The following SULF1 variants were observed in gnomAD, a reference collection of about 807,000 sequenced individuals.
SULF1 encodes extracellular sulfatase Sulf-1.
Under a neutral mutation model 110.5 loss-of-function variants are expected in SULF1, and 46 were observed. The ratio of observed to expected loss-of-function variants is 0.42; its 90% confidence interval spans 0.33 to 0.53. SULF1 has a LOEUF of 0.53. SULF1 is among the 20% of genes least tolerant of loss of function. SULF1 has a pLI of 0.12. For synonymous variants in SULF1, 371 were observed against 387.1 expected (o/e 0.96, Z 0.49); for missense variants, 941 against 1,094.2 (o/e 0.86, Z 1.98).
In SULF1 at chr8:69,602,945, A is replaced by G. The variant is rs550855735; in HGVS notation, c.1062-247A>G. Among the ~76,000 whole-genome samples, 4 of 152,264 alleles carry G rather than the reference A, an allele frequency of 2.6e-5. No individual in the cohort carries two copies. In the East Asian group the frequency reaches 7.7e-4, roughly 29 times the overall value. On this transcript the variant is annotated intron_variant, in intron 10 of 22. Transcript: ENST00000402687. ...GTATCAGGCTGCATCTTGCCTGGTG[A>G]TGTGGTCAGAATACAGGGGTGCAGG...
intron 22 of SULF1, among the ~76,000 whole-genome samples, chr8:69,645,908 T>G (rs144852303): frequency 9.9e-5 from 15 of 151,790 alleles, no homozygotes; most frequent in African/African-American, 3.6e-4. Flanking sequence ...ATATTAATTA[T>G]TATTTATATT....
At chr8:69,518,291 A>G (rs577963966) in intron 3 of SULF1, among the ~76,000 whole-genome samples, 2 of 151,924 alleles carry the variant, frequency 1.3e-5, no homozygotes, top group East Asian at 3.9e-4. Flanking sequence ...CATTATGTTC[A>G]CCTTTTCGTT....
At chr8:69,631,111 G>A (rs745770603) in intron 19 of SULF1, among the ~76,000 whole-genome samples, 3 of 152,138 alleles carry the variant, frequency 2.0e-5, no homozygotes, top group Non-Finnish European at 2.9e-5. Flanking sequence ...AGAGAGAAGC[G>A]ATCCCTGTGG....
chr8:69,565,177 C>A (rs191692185), intron 5 of SULF1, among the ~76,000 whole-genome samples: 6 of 152,164 alleles, frequency 3.9e-5, no homozygotes, highest in Admixed American at 6.5e-5. Context: ...CGCTAAAAAG[C>A]CAGCAGATGT....
rs778555677 is a variant in SULF1 at position 69,629,477 on chromosome 8, T to C, written c.2109-27T>C. 6.9e-6 allele frequency: 11 copies of C among 1,588,688 alleles called. No homozygotes were observed. In the African/African-American group the frequency reaches 1.1e-4, roughly 16 times the overall value. On this transcript the variant is annotated intron_variant, in intron 18 of 22. Transcript: ENST00000402687. ...AATTGAGAAAGTGCCTTCTGAACAC[T>C]CAAAATAATCCCTTCTCTTGGAACA...
At chr8:69,529,329 T>G (rs1193557934) in intron 3 of SULF1, among the ~76,000 whole-genome samples, 1 of 152,196 alleles carries the variant, frequency 6.6e-6, no homozygotes, top group Non-Finnish European at 1.5e-5. Context: ...TCAGAACCCC[T>G]CTACTCTCTA....
At chr8:69,500,245 G>C (rs937726675) in intron 2 of SULF1, among the ~76,000 whole-genome samples, 2 of 152,178 alleles carry the variant, frequency 1.3e-5, no homozygotes, top group African/African-American at 4.8e-5. Context: ...TTTTGTGCTA[G>C]GTCGTCTTGC....
intron 7 of SULF1, among the ~76,000 whole-genome samples, chr8:69,587,356 C>A (rs1425137889): frequency 6.6e-6 from 1 of 152,064 alleles, no homozygotes; most frequent in Non-Finnish European, 1.5e-5. Context: ...TGGTAGAAAT[C>A]GGAAGGAGAG....
intron 1 of SULF1, among the ~76,000 whole-genome samples, chr8:69,478,776 C>G (rs1809404066): frequency 6.6e-6 from 1 of 152,134 alleles, no homozygotes; most frequent in Non-Finnish European, 1.5e-5. Context: ...TGCCTTCTCT[C>G]TCTTATATTT....
chr8:69,530,805 T>A (rs1813027815), intron 3 of SULF1, among the ~76,000 whole-genome samples: 1 of 152,212 alleles, frequency 6.6e-6, no homozygotes, highest in Non-Finnish European at 1.5e-5. Flanking sequence ...CCACTTTCTA[T>A]CTGGTTAGCC....
intron 22 of SULF1, among the ~76,000 whole-genome samples, chr8:69,650,290 T>C (rs4255147): frequency 0.051 from 7,748 of 152,078 alleles, 686 homozygotes; most frequent in African/African-American, 0.18. Flanking sequence ...TCATGAACCA[T>C]CGTGCCTGGC....
At chr8:69,655,189 C>A (rs141519733) in intron 22 of SULF1, among the ~76,000 whole-genome samples, 21 of 152,326 alleles carry the variant, frequency 1.4e-4, no homozygotes, top group African/African-American at 5.1e-4. Flanking sequence ...GGGGTGCCTA[C>A]CCCAGGGGAA....
intron 8 of SULF1, among the ~76,000 whole-genome samples, chr8:69,599,968 T>G (rs560338029): frequency 1.3e-5 from 2 of 152,346 alleles, no homozygotes; most frequent in South Asian, 4.1e-4. Context: ...TCCCTGCACC[T>G]ATATTGATTT....
At chr8:69,653,106 CT>C (rs944204617) in intron 22 of SULF1, among the ~76,000 whole-genome samples, 6 of 152,132 alleles carry the variant, frequency 3.9e-5, no homozygotes, top group Non-Finnish European at 8.8e-5. Flanking sequence ...GGGTTTCCGT[CT>C]GTCACCCAGG....
chr8:69,592,780 T>G, intron 8 of SULF1: 1 of 270,126 alleles, frequency 3.7e-6, no homozygotes, highest in Non-Finnish European at 5.7e-6. Context: ...AAAGGGCAAT[T>G]TCATGTGGCT....
chr8:69,607,150 A>AG (rs1808280517), intron 13 of SULF1, among the ~76,000 whole-genome samples: 1 of 152,208 alleles, frequency 6.6e-6, no homozygotes, highest in African/African-American at 2.4e-5. Context: ...CAGAACCCCT[A>AG]GGGGTGAAGC....
intron 3 of SULF1, among the ~76,000 whole-genome samples, chr8:69,531,521 T>G (rs1362990483): frequency 6.6e-6 from 1 of 152,192 alleles, no homozygotes; most frequent in African/African-American, 2.4e-5. Flanking sequence ...CATTTCGAAT[T>G]TTTTAATATC....
chr8:69,496,848 C>T (rs76787523), intron 2 of SULF1, among the ~76,000 whole-genome samples: 3,265 of 152,316 alleles, frequency 0.021, 59 homozygotes, highest in Non-Finnish European at 0.034. Flanking sequence ...CTGTGAAGTT[C>T]CCCAGACACC....
At chr8:69,552,176 AC>A (rs562274658) in intron 3 of SULF1, among the ~76,000 whole-genome samples, 1 of 152,186 alleles carries the variant, frequency 6.6e-6, no homozygotes, top group Non-Finnish European at 1.5e-5. Context: ...ATTCTGATGA[AC>A]CCCTACTCCA....
Sources: allele counts gnomAD v4.1 joint callset (sites outside exome capture counted in the v4.1 genomes callset), GRCh38; gene constraint gnomAD v4.1.1; transcripts MANE v1.5; gene names NCBI Gene and HGNC (gene_info 2026-07-23, HGNC 2026-07-21).